The following IFRD1 variants were observed in gnomAD, a reference collection of about 807,000 sequenced individuals.
IFRD1 encodes the protein interferon-related developmental regulator 1.
Under a neutral mutation model 52.9 loss-of-function variants are expected in IFRD1, and 35 were observed. The ratio of observed to expected loss-of-function variants is 0.66; its 90% CI spans 0.51 to 0.88. The LOEUF is 0.88. Ranked by LOEUF, IFRD1 falls within the 40% of genes least tolerant of loss-of-function variation. The probability of loss-of-function intolerance (pLI) is 0.00; values close to 1 mark genes in which losing one functional copy is unlikely to be tolerated. For synonymous variants in IFRD1, 184 were observed against 188.4 expected (o/e 0.98, Z 0.19); for missense variants, 517 against 550.8 (o/e 0.94, Z 0.61).
chr7:112,449,051 G>C (rs1053665783), upstream of IFRD1, among the ~76,000 whole-genome samples: 2 of 152,202 alleles, frequency 1.3e-5, no homozygotes, highest in Non-Finnish European at 2.9e-5. Flanking sequence ...TTAGTCATGG[G>C]AGCCATGGAA....
intron 1 of IFRD1, among the ~76,000 whole-genome samples, chr7:112,453,950 A>G (rs1156651360): frequency 6.6e-6 from 1 of 152,154 alleles, no homozygotes; most frequent in Non-Finnish European, 1.5e-5. Flanking sequence ...ACGTTTGAAC[A>G]TACGAACTTT....
At chr7:112,473,029 CGTGTGTGTGT>C (rs74273594) in intron 11 of IFRD1, among the ~76,000 whole-genome samples, 168 bp downstream of exon 11, 8 of 115,258 alleles carry the variant, frequency 6.9e-5, no homozygotes, top group East Asian at 2.4e-4. Flanking sequence ...GTGTGGGGGG[CGTGTGTGTGT>C]GTGTGTGTGT....
chr7:112,458,711 C>G (rs952863063), intron 4 of IFRD1, 150 bp from the exon 5 acceptor site: 1 of 709,614 alleles, frequency 1.4e-6, no homozygotes, highest in African/African-American at 1.8e-5. Flanking sequence ...GCTCTTTAGC[C>G]TAAGTTTGTA....
upstream of IFRD1, among the ~76,000 whole-genome samples, chr7:112,448,031 A>G (rs1433793583): frequency 1.3e-5 from 2 of 151,560 alleles, no homozygotes; most frequent in African/African-American, 4.8e-5. Flanking sequence ...TTAACTATAT[A>G]TATACTGACT....
chr7:112,467,505 G>T (rs56370713), intron 8 of IFRD1: 10,485 of 180,878 alleles, frequency 0.058, 334 homozygotes, highest in South Asian at 0.081. Flanking sequence ...TTAATCACCT[G>T]AATTATGTGC....
At position 112,468,123 on chromosome 7, in the gene IFRD1, T is replaced by G. The variant is rs1389560913; in HGVS notation, c.1041+8T>G. 6.2e-7 allele frequency: 1 copy of G among 1,613,578 alleles called. No homozygotes were observed. Among genetic ancestry groups the G allele is most frequent in the East Asian group, 2.2e-5 (1 of 44,876 alleles). Reference sequence around the variant, plus strand: ...GTCCTGAGGGCAGTGGAGGTAGGCTTCTTAAATGCTGTAATAGCTTCTCAT... The same window carrying G: ...GTCCTGAGGGCAGTGGAGGTAGGCTGCTTAAATGCTGTAATAGCTTCTCAT... On this transcript the variant is annotated splice_region_variant and intron_variant, in intron 9 of 11. Transcript: ENST00000403825.
intron 1 of IFRD1, among the ~76,000 whole-genome samples, chr7:112,452,749 T>C (rs902518071): frequency 7.2e-5 from 11 of 152,242 alleles, no homozygotes; most frequent in Non-Finnish European, 1.2e-4. Flanking sequence ...TGACCTTTCA[T>C]CAGCTTTATT....
At chr7:112,438,839 G>A (rs1432088627) in intron 1 of IFRD1, among the ~76,000 whole-genome samples, 1 of 152,084 alleles carries the variant, frequency 6.6e-6, no homozygotes, top group Admixed American at 6.6e-5. Flanking sequence ...GGCAACACTT[G>A]TTTAGAAGGA....
chr7:112,456,257 T>A (rs1412982716), intron 3 of IFRD1, among the ~76,000 whole-genome samples, 171 bp downstream of exon 3: 1 of 152,264 alleles, frequency 6.6e-6, no homozygotes, highest in Admixed American at 6.5e-5. Flanking sequence ...TTGTTTACTT[T>A]GGATGTTTCT....
Position 112,445,191 on chromosome 7 carries a change from C to T in IFRD1, c.-181-5317C>T, listed in dbSNP as rs991555108. The stretch of plus-strand genomic sequence containing the variant: ...ATGCCATTCTCCTGCCTCAGCCTCC[C>T]GAGTAGCTGGGACTACAGGCGCCCG... On this transcript the variant is annotated intron_variant, in intron 1 of 12. Transcript: ENST00000005558. 4.0e-4 allele frequency among the ~76,000 whole-genome samples: 60 copies of T among 151,756 alleles called. 2 individuals are homozygous for T. The highest frequency in any genetic ancestry group is 3.7e-3 in the Admixed American group (57 of 15,230).
chr7:112,454,810 A>G (rs1795245929), intron 1 of IFRD1, among the ~76,000 whole-genome samples: 1 of 148,792 alleles, frequency 6.7e-6, no homozygotes, highest in Admixed American at 6.7e-5. Flanking sequence ...CATTGTCTTC[A>G]TGATTTGAAA....
chr7:112,460,012 G>A (rs947816230), intron 5 of IFRD1, among the ~76,000 whole-genome samples: 1 of 152,150 alleles, frequency 6.6e-6, no homozygotes, highest in Non-Finnish European at 1.5e-5. Context: ...GGGTGAATAT[G>A]TGCAGCTTTT....
chr7:112,460,036 C>T (rs1191280208), intron 5 of IFRD1, among the ~76,000 whole-genome samples: 2 of 152,120 alleles, frequency 1.3e-5, no homozygotes, highest in African/African-American at 4.8e-5. Flanking sequence ...TCATGTGGAA[C>T]TATTGGTATA....
At chr7:112,450,175 A>C, upstream of IFRD1, 1 of 161,316 alleles carries the variant, frequency 6.2e-6, no homozygotes, top group South Asian at 1.3e-4. Context: ...ACCAGGAGAA[A>C]AGCAAGTGGG....
At chr7:112,455,007 T>C (rs1295323326) in intron 1 of IFRD1, among the ~76,000 whole-genome samples, 2 of 151,484 alleles carry the variant, frequency 1.3e-5, no homozygotes, top group Middle Eastern at 3.2e-3. Context: ...GCTGGGACTA[T>C]AGGCACGCAC....
At chr7:112,454,417 T>C (rs961703511) in intron 1 of IFRD1, among the ~76,000 whole-genome samples, 41 of 152,188 alleles carry the variant, frequency 2.7e-4, no homozygotes, top group African/African-American at 9.6e-4. Flanking sequence ...GGTCTCCAAC[T>C]CCTGACCTCA....
chr7:112,452,431 G>A (rs895374321), intron 1 of IFRD1: 1 of 981,402 alleles, frequency 1.0e-6, no homozygotes, highest in Non-Finnish European at 1.2e-6. Context: ...TGCTGGGACG[G>A]TGCCTGGTCT....
chr7:112,431,705 T>C (rs1409940141), intron 1 of IFRD1, among the ~76,000 whole-genome samples: 1 of 152,228 alleles, frequency 6.6e-6, no homozygotes, highest in African/African-American at 2.4e-5. Flanking sequence ...TTACTCTCTC[T>C]GCCTAAATGA....
At chr7:112,458,504 G>A (rs999204611) in intron 4 of IFRD1, among the ~76,000 whole-genome samples, 4 of 152,118 alleles carry the variant, frequency 2.6e-5, no homozygotes, top group African/African-American at 9.7e-5. Context: ...GTTTATATGA[G>A]TACATTAAGG....
Sources: allele counts gnomAD v4.1 joint callset (sites outside exome capture counted in the v4.1 genomes callset), GRCh38; gene constraint gnomAD v4.1.1; transcripts MANE v1.5; gene names NCBI Gene and HGNC (gene_info 2026-07-23, HGNC 2026-07-21).